UPF2: variants seen among roughly 807,000 people sequenced by gnomAD.
The protein encoded by UPF2 is regulator of nonsense transcripts 2.
Under a neutral mutation model 141.4 loss-of-function variants are expected in UPF2, and 17 were observed. That is an observed-to-expected ratio of 0.12 (90% confidence interval 0.08 to 0.18). The LOEUF (loss-of-function observed/expected upper bound fraction) is 0.18, where lower values mean the gene tolerates loss of function less well. Ranked by LOEUF, UPF2 falls within the 10% of genes least tolerant of loss-of-function variation. UPF2 has a pLI of 1.00. For synonymous variants in UPF2, 540 were observed against 498.0 expected (o/e 1.08, Z -1.12); for missense variants, 1,152 against 1,515.9 (o/e 0.76, Z 3.99).
intron 9 of UPF2, among the ~76,000 whole-genome samples, chr10:11,970,100 A>G (rs139510058): frequency 1.3e-5 from 2 of 152,308 alleles, no homozygotes; most frequent in African/African-American, 4.8e-5. Context: ...TATGGGATAC[A>G]TTATCTTGAG....
rs942083846 is a variant in UPF2, at chr10:11,939,192, A to T, written c.3379-2480T>A. On this transcript the variant is annotated intron_variant, in intron 18 of 21. Transcript: ENST00000357604. This position sits in a 1 kb window ranked among gnomAD's most constrained non-coding sequence, Gnocchi z 4.8. Reference sequence around the variant, plus strand: ...GGCCAGCAAGTTTCTTGTCTTTCCAAGCCTCTGTTTCTTTAGCTAAAGCAA... The same window carrying T: ...GGCCAGCAAGTTTCTTGTCTTTCCATGCCTCTGTTTCTTTAGCTAAAGCAA... Among the ~76,000 whole-genome samples, 8 of 151,978 alleles carry T rather than the reference A, an allele frequency of 5.3e-5. No homozygotes were observed. The highest frequency in any genetic ancestry group is 1.7e-4 in the African/African-American group (7 of 41,376).
chr10:11,963,926 C>A (rs978151752), intron 11 of UPF2, 83 bp downstream of exon 11: 8 of 924,380 alleles, frequency 8.7e-6, no homozygotes, highest in Admixed American at 2.3e-5. Context: ...AATAAGATAA[C>A]CAGCACTGGT....
At chr10:11,981,615 G>C (rs1833595212) in intron 8 of UPF2, among the ~76,000 whole-genome samples, 1 of 152,122 alleles carries the variant, frequency 6.6e-6, no homozygotes, top group Non-Finnish European at 1.5e-5. Flanking sequence ...CTGTCACATG[G>C]AAAATGCACA....
chr10:11,949,152 ATTC>A lies in UPF2; in HGVS notation c.3035-647_3035-645del, dbSNP rs900007834. 8.5e-5 allele frequency among the ~76,000 whole-genome samples: 13 copies of A among 152,208 alleles called. 1 individual carries two copies. Among genetic ancestry groups the A allele is most frequent in the African/African-American group, 3.1e-4 (13 of 41,530 alleles). On this transcript the variant is annotated intron_variant, in intron 15 of 21. Coordinates refer to ENST00000357604, the MANE Select transcript of UPF2 (RefSeq NM_015542.4). ...CATCCCACATTTCACTGCCCAGTCA[ATTC>A]TTCTTCCTGTTGGAATTCCAATCCA...
intron 21 of UPF2, among the ~76,000 whole-genome samples, chr10:11,929,302 T>A (rs1832753147): frequency 6.6e-6 from 1 of 152,224 alleles, no homozygotes; most frequent in Admixed American, 6.5e-5. Context: ...TGCTCATCTA[T>A]AACAACTCCT....
intron 3 of UPF2, among the ~76,000 whole-genome samples, chr10:12,025,527 GGAGACAGTA>G (rs1346589471): frequency 3.3e-5 from 5 of 150,398 alleles, no homozygotes; most frequent in Non-Finnish European, 5.9e-5. Context: ...TTCCAGCCTG[GGAGACAGTA>G]AGACTCCATC....
chr10:12,036,133 T>C (rs944397380), intron 1 of UPF2, among the ~76,000 whole-genome samples: 2 of 152,234 alleles, frequency 1.3e-5, no homozygotes, highest in Admixed American at 6.5e-5. Context: ...TATCTGTCAA[T>C]ACAGAGTAGC....
At chr10:12,025,006 G>A (rs71479383) in intron 3 of UPF2, among the ~76,000 whole-genome samples, 1 of 145,026 alleles carries the variant, frequency 6.9e-6, no homozygotes, top group Non-Finnish European at 1.5e-5. Context: ...CATTTTAGCA[G>A]AACACCATAA....
chr10:11,964,202 T>C (rs1178445247), intron 10 of UPF2, 77 bp from the exon 11 acceptor site: 7 of 1,063,884 alleles, frequency 6.6e-6, no homozygotes, highest in African/African-American at 1.6e-5. Context: ...ATACATCTAA[T>C]GTGTGTAACA....
chr10:11,974,032 C>T (rs1252866171), intron 9 of UPF2, among the ~76,000 whole-genome samples: 1 of 152,102 alleles, frequency 6.6e-6, no homozygotes, highest in Non-Finnish European at 1.5e-5. Flanking sequence ...GAATGTTCTT[C>T]CATTTGTGTC....
At chr10:12,022,116 G>C (rs990399575) in intron 3 of UPF2, among the ~76,000 whole-genome samples, 1 of 151,770 alleles carries the variant, frequency 6.6e-6, no homozygotes, top group African/African-American at 2.4e-5. Context: ...CTCCAGCCTG[G>C]GTGACAGAGC....
At chr10:12,035,565 G>T in intron 1 of UPF2, 124 bp from the exon 2 acceptor site, 1 of 1,029,902 alleles carries the variant, frequency 9.7e-7, no homozygotes, top group Non-Finnish European at 1.3e-6. Context: ...ATAAAGGCAG[G>T]TAAAATGAAT....
At chr10:11,972,088 A>AC (rs1833428586) in intron 9 of UPF2, among the ~76,000 whole-genome samples, 1 of 151,440 alleles carries the variant, frequency 6.6e-6, no homozygotes, top group Non-Finnish European at 1.5e-5. Flanking sequence ...AAAAACACAC[A>AC]AAAAAACACT....
chr10:11,974,468 G>A (rs1833472305), intron 9 of UPF2, among the ~76,000 whole-genome samples: 1 of 152,158 alleles, frequency 6.6e-6, no homozygotes, highest in African/African-American at 2.4e-5. Flanking sequence ...TTTTCAAAGG[G>A]AATGCTTCCA....
At chr10:11,991,725 G>T (rs1378418583) in intron 8 of UPF2, among the ~76,000 whole-genome samples, 1 of 152,192 alleles carries the variant, frequency 6.6e-6, no homozygotes, top group Non-Finnish European at 1.5e-5. Context: ...GGGTTAAAAG[G>T]TATGAGCTGT....
intron 17 of UPF2, 101 bp from the exon 18 acceptor site, chr10:11,942,864 G>C: frequency 9.6e-7 from 1 of 1,044,478 alleles, no homozygotes. Context: ...CATAACTCAA[G>C]GAGTAAAGTG....
chr10:12,039,383 T>C (rs955277204), intron 1 of UPF2, among the ~76,000 whole-genome samples: 3 of 152,206 alleles, frequency 2.0e-5, no homozygotes, highest in Admixed American at 6.5e-5. Flanking sequence ...TCCTTCATAA[T>C]GGTTAAGGAG....
chr10:11,948,448 T>C lies in UPF2; in HGVS notation c.3095A>G (p.Asp1032Gly). Residue 1032 changes from aspartate (D) to glycine (G), a missense_variant, in exon 16 of 22, where the codon GAT (aspartate) becomes GGT (glycine). Physicochemically the swap from Asp to Gly is moderately conservative, Grantham distance 94. Around this residue, in one of 4 missense-constraint regions of UPF2, gnomAD observed 202 missense variants for 223.6 expected, o/e 0.90. Coordinates refer to ENST00000357604, the MANE Select transcript of UPF2 (RefSeq NM_015542.4). Reference sequence around the variant, plus strand: ...AGCCCCACCTTCTTCTTCTTCTTCATCCTCTTCAAGATTTTCTCCTTCTGT... The same window carrying C: ...AGCCCCACCTTCTTCTTCTTCTTCACCCTCTTCAAGATTTTCTCCTTCTGT... ...SMTEGENLEE[D>G]EEEEEGGAET... 1 of 1,613,428 alleles carries C rather than the reference T, an allele frequency of 6.2e-7. No homozygotes were observed. Among genetic ancestry groups the C allele is most frequent in the East Asian group, 2.2e-5 (1 of 44,842 alleles).
rs1833550478 is a variant in UPF2 at position 11,978,948 on chromosome 10, T to A, written c.1953+109A>T. ...GAATGCCGTAAATTCTAAACTGTTA[T>A]ACCACTATCAAATTTCAAGAATATG... On this transcript the variant is annotated intron_variant, in intron 9 of 21. Coordinates refer to ENST00000357604, the MANE Select transcript of UPF2 (RefSeq NM_015542.4). 1.8e-5 allele frequency: 16 copies of A among 880,036 alleles called. No individual in the cohort carries two copies. The Admixed American group carries it at 3.9e-4, about 21-fold the overall frequency. The allele number at this position is 880,036 out of a possible 1,614,324, so 54.5% of individuals were successfully genotyped here.
Sources: gnomAD v4.1 joint callset for allele counts (sites outside exome capture counted in the v4.1 genomes callset) on GRCh38, gnomAD v4.1.1 for gene constraint, gnomAD v4.1.1 regional missense constraint, Gnocchi (gnomAD v3.1) non-coding constraint, MANE v1.5 for transcripts, NCBI Gene and HGNC (gene_info 2026-07-23, HGNC 2026-07-21) for gene names.